Variants in COLEC12 observed in about 807,000 individuals in gnomAD.
The protein encoded by COLEC12 is collectin subfamily member 12.
A neutral mutation model predicts 71.1 loss-of-function variants in COLEC12; 33 were observed. That is an observed-to-expected ratio of 0.46 (90% confidence interval 0.35 to 0.62). The LOEUF is 0.62. Ranked by LOEUF, COLEC12 falls within the 20% of genes least tolerant of loss-of-function variation. The pLI is 0.00. For missense variants in COLEC12, 765 were observed against 916.1 expected (o/e 0.84, Z 2.13); for synonymous variants, 350 against 353.0 (o/e 0.99, Z 0.10).
chr18:346,668 G>A lies in COLEC12; in HGVS notation c.954C>T (p.His318=), dbSNP rs1914380256. 6.2e-7 allele frequency: 1 copy of A among 1,614,198 alleles called. No individual in the cohort carries two copies. The highest frequency in any genetic ancestry group is 8.5e-7 in the Non-Finnish European group (1 of 1,180,014). The change falls in exon 5 of 10, where the codon CAC becomes CAT. Residue 318 remains histidine (H), a synonymous_variant. Transcript: ENST00000400256. The surrounding 1 kb of genome is among the most constrained non-coding windows in gnomAD (Gnocchi z 4.0). ...TGGCTGTTCTATTCTCTGCATCTTT[G>A]TGTAAGTCCTGCAGGTCTTTCAGGT... The part of the protein sequence containing the change: ...EQNLKDLQDL[H]KDAENRTAIK...
chr18:327,692 C>T lies in COLEC12; in HGVS notation c.2063+3976G>A, dbSNP rs185693774. The stretch of plus-strand genomic sequence containing the variant: ...GAGCCTTTTATCCCTCGTCTATTTG[C>T]TCTTTAACAGTAACCACAAAACCTG... On this transcript the variant is annotated intron_variant, in intron 8 of 9. Transcript: ENST00000400256. This position sits in a 1 kb window ranked among gnomAD's most constrained non-coding sequence, Gnocchi z 4.0. Among the ~76,000 whole-genome samples the T allele has an allele frequency of 1.3e-5, 2 of 152,358 alleles. No individual in the cohort carries two copies. The highest frequency in any genetic ancestry group is 4.8e-5 in the African/African-American group (2 of 41,578).
At chr18:442,822 G>C (rs1414712379) in intron 2 of COLEC12, among the ~76,000 whole-genome samples, 1 of 152,222 alleles carries the variant, frequency 6.6e-6, no homozygotes, top group African/African-American at 2.4e-5. Flanking sequence ...TTGGTCGGGC[G>C]TGGCGGCACG....
intron 2 of COLEC12, among the ~76,000 whole-genome samples, chr18:471,123 T>TA (rs1236503813): frequency 6.6e-6 from 1 of 152,066 alleles, no homozygotes; most frequent in African/African-American, 2.4e-5. Flanking sequence ...TTCACACTTA[T>TA]AAAAAAATAC....
At chr18:487,015 C>T (rs1426954948) in intron 1 of COLEC12, among the ~76,000 whole-genome samples, 4 of 152,092 alleles carry the variant, frequency 2.6e-5, no homozygotes, top group African/African-American at 7.2e-5. Flanking sequence ...AAAATCTGCA[C>T]CTGAATGTTT....
In COLEC12 at chr18:362,407, C is replaced by T. The variant is rs575200250; in HGVS notation, c.59-4885G>A. 4.1e-4 allele frequency among the ~76,000 whole-genome samples: 63 copies of T among 152,302 alleles called. No homozygotes were observed. Among genetic ancestry groups the T allele is most frequent in the African/African-American group, 1.4e-3 (60 of 41,548 alleles). On this transcript the variant is annotated intron_variant, in intron 2 of 9. Coordinates refer to ENST00000400256, the MANE Select transcript of COLEC12 (RefSeq NM_130386.3). This position sits in a 1 kb window ranked among gnomAD's most constrained non-coding sequence, Gnocchi z 4.6. ...CTGGGAGGACATCTGGCCAAACACA[C>T]GGATGCCTACTACAAAGGGACCCTG...
intron 2 of COLEC12, among the ~76,000 whole-genome samples, chr18:477,417 T>C (rs1917325721): frequency 6.6e-6 from 1 of 152,156 alleles, no homozygotes. Context: ...GTGTTTATCA[T>C]ACTTGCATAA....
chr18:440,089 A>G (rs889561936), intron 2 of COLEC12, among the ~76,000 whole-genome samples: 1 of 151,972 alleles, frequency 6.6e-6, no homozygotes, highest in Non-Finnish European at 1.5e-5. Flanking sequence ...TATTATGCTA[A>G]GTGAAGTAAG....
chr18:403,382 G>A (rs1915725527), intron 2 of COLEC12, among the ~76,000 whole-genome samples: 1 of 152,196 alleles, frequency 6.6e-6, no homozygotes, highest in African/African-American at 2.4e-5. Context: ...TAAACAGTAG[G>A]TCATTAGGAA....
chr18:465,361 C>A (rs909693411), intron 2 of COLEC12, among the ~76,000 whole-genome samples: 6 of 152,170 alleles, frequency 3.9e-5, no homozygotes, highest in Non-Finnish European at 8.8e-5. Context: ...CCCTGACTCC[C>A]AAAGTGTTGG....
At chr18:355,036 A>C (rs115660712) in intron 3 of COLEC12, among the ~76,000 whole-genome samples, 1,950 of 149,288 alleles carry the variant, frequency 0.013, 42 homozygotes, top group African/African-American at 0.046. Flanking sequence ...ACAATCCATC[A>C]ATCCATCCAT....
At chr18:363,034 G>T (rs998399394) in intron 2 of COLEC12, among the ~76,000 whole-genome samples, 17 of 151,932 alleles carry the variant, frequency 1.1e-4, no homozygotes, top group Non-Finnish European at 1.8e-4. Context: ...GAAGCTGGCA[G>T]GGGGGGAATG....
intron 2 of COLEC12, among the ~76,000 whole-genome samples, chr18:396,856 C>A (rs953453129): frequency 6.6e-6 from 1 of 152,182 alleles, no homozygotes; most frequent in African/African-American, 2.4e-5. Flanking sequence ...TGCAAGAGGC[C>A]AAAAGCTTGA....
intron 2 of COLEC12, among the ~76,000 whole-genome samples, chr18:395,933 C>T (rs1449140338): frequency 6.6e-6 from 1 of 152,184 alleles, no homozygotes; most frequent in Non-Finnish European, 1.5e-5. Context: ...CATGTTTATT[C>T]CTGCTGTGGA....
intron 2 of COLEC12, among the ~76,000 whole-genome samples, chr18:477,490 A>ATGTTACCGT (rs1291842940): frequency 0.015 from 2,335 of 152,350 alleles, 58 homozygotes; most frequent in African/African-American, 0.052. Context: ...TATTTTTGCA[A>ATGTTACCGT]CTATAAAAGG....
chr18:384,255 T>C (rs1915295601), intron 2 of COLEC12, among the ~76,000 whole-genome samples: 1 of 152,136 alleles, frequency 6.6e-6, no homozygotes, highest in African/African-American at 2.4e-5. Context: ...CGGATCGCAG[T>C]GTGCAGCCAA....
chr18:357,123 G>C (rs573684320), intron 3 of COLEC12, among the ~76,000 whole-genome samples: 1 of 152,220 alleles, frequency 6.6e-6, no homozygotes, highest in African/African-American at 2.4e-5. Flanking sequence ...GGAGTAGCTA[G>C]AAATAGGTAG....
At chr18:499,115 G>A (rs1318728552) in intron 1 of COLEC12, among the ~76,000 whole-genome samples, 1 of 152,100 alleles carries the variant, frequency 6.6e-6, no homozygotes, top group Non-Finnish European at 1.5e-5. Context: ...TCCTTTCTAG[G>A]GAGTCTCCTC....
At chr18:414,075 G>A (rs1340082747) in intron 2 of COLEC12, among the ~76,000 whole-genome samples, 4 of 152,182 alleles carry the variant, frequency 2.6e-5, no homozygotes, top group African/African-American at 9.7e-5. Context: ...CTTTGTCAGT[G>A]TCAATATTCT....
At chr18:424,115 A>G (rs11659154) in intron 2 of COLEC12, 28,432 of 152,188 alleles carry the variant, frequency 0.19, 2,894 homozygotes, top group Middle Eastern at 0.23. Context: ...TCTATGTGGA[A>G]TGAAAGCCCT....
Sources: gnomAD v4.1 joint callset for allele counts (sites outside exome capture counted in the v4.1 genomes callset) on GRCh38, gnomAD v4.1.1 for gene constraint, Gnocchi (gnomAD v3.1) non-coding constraint, MANE v1.5 for transcripts, NCBI Gene and HGNC (gene_info 2026-07-23, HGNC 2026-07-21) for gene names.